ZNF516: variants seen among roughly 807,000 people sequenced by gnomAD.
ZNF516 encodes the protein zinc finger protein 516.
ZNF516 carries 19 observed loss-of-function variants against 79.7 expected under a neutral mutation model. The observed-to-expected ratio is 0.24, with a 90% CI of 0.17 to 0.35. The LOEUF (loss-of-function observed/expected upper bound fraction) is 0.35. ZNF516 is among the 10% of genes least tolerant of loss of function. ZNF516 has a pLI of 1.00. For missense variants in ZNF516, 1,678 were observed against 1,679.5 expected (o/e 1.00, Z 0.02); for synonymous variants, 877 against 739.5 (o/e 1.19, Z -3.02).
At chr18:76,492,634 A>T in intron 1 of ZNF516, 1 of 799,300 alleles carries the variant, frequency 1.3e-6, no homozygotes, top group Non-Finnish European at 1.5e-6. Flanking sequence ...TTCCATCATC[A>T]CCTGAACCAA....
At chr18:76,473,917 G>GGT (rs1376026558) in intron 1 of ZNF516, among the ~76,000 whole-genome samples, 1 of 107,658 alleles carries the variant, frequency 9.3e-6, no homozygotes, top group Non-Finnish European at 2.0e-5. Context: ...GGGGGGGGGG[G>GGT]CTTTCTTTTT....
intron 3 of ZNF516, among the ~76,000 whole-genome samples, chr18:76,436,935 TG>T (rs971435368): frequency 6.6e-6 from 1 of 152,060 alleles, no homozygotes; most frequent in African/African-American, 2.4e-5. Flanking sequence ...CCACGTGTGG[TG>T]ACCGCCTGTA....
At chr18:76,395,566 C>T (rs538422342) in intron 3 of ZNF516, among the ~76,000 whole-genome samples, 2 of 152,232 alleles carry the variant, frequency 1.3e-5, no homozygotes, top group East Asian at 1.9e-4. Context: ...GCCTCAGGGG[C>T]AGGTACGGAA....
intron 3 of ZNF516, among the ~76,000 whole-genome samples, chr18:76,434,635 G>A (rs533478958): frequency 1.3e-5 from 2 of 152,288 alleles, no homozygotes; most frequent in African/African-American, 4.8e-5. Flanking sequence ...GGGACATCCC[G>A]GCCTGCGTAC....
At chr18:76,496,193 G>T (rs574449273), upstream of ZNF516, 172 of 1,170,660 alleles carry the variant, frequency 1.5e-4, 1 homozygote, top group African/African-American at 2.2e-3. Context: ...GTCGGAGCTA[G>T]CGAGGGCGAG....
intron 1 of ZNF516, among the ~76,000 whole-genome samples, chr18:76,477,926 T>C (rs1367327536): frequency 6.6e-6 from 1 of 152,166 alleles, no homozygotes; most frequent in Non-Finnish European, 1.5e-5. Context: ...TGAACCAGTA[T>C]TGTTATCCAT....
At chr18:76,496,281 T>G, upstream of ZNF516, 1 of 1,288,684 alleles carries the variant, frequency 7.8e-7, no homozygotes, top group Non-Finnish European at 1.0e-6. Flanking sequence ...CCCACCAGGC[T>G]CCTGGCCGTA....
intron 1 of ZNF516, among the ~76,000 whole-genome samples, chr18:76,480,765 GC>G (rs1379012482): frequency 6.6e-6 from 1 of 152,044 alleles, no homozygotes; most frequent in Non-Finnish European, 1.5e-5. Flanking sequence ...CAAGTGATCC[GC>G]CCACCTCGGC....
intron 3 of ZNF516, among the ~76,000 whole-genome samples, chr18:76,441,015 G>T (rs1008759826): frequency 2.6e-5 from 4 of 152,200 alleles, no homozygotes; most frequent in African/African-American, 9.6e-5. Context: ...ACTGGGGACA[G>T]ATTCCTGGGT....
At chr18:76,410,731 G>T (rs1020931700) in intron 3 of ZNF516, among the ~76,000 whole-genome samples, 1 of 152,192 alleles carries the variant, frequency 6.6e-6, no homozygotes, top group African/African-American at 2.4e-5. Context: ...TCGGCTGGAG[G>T]AGAAAAAGAG....
chr18:76,448,874 G>A (rs916119992), intron 2 of ZNF516, among the ~76,000 whole-genome samples: 1 of 152,176 alleles, frequency 6.6e-6, no homozygotes, highest in Non-Finnish European at 1.5e-5. Flanking sequence ...CAGCGCACCA[G>A]TAAGACAAGG....
chr18:76,491,131 G>A (rs1391225900), intron 1 of ZNF516: 3 of 979,674 alleles, frequency 3.1e-6, no homozygotes, highest in Non-Finnish European at 2.4e-6. Flanking sequence ...CCAGAACAAA[G>A]TGAAGTTTAA....
At chr18:76,474,570 A>C (rs1952730413) in intron 1 of ZNF516, among the ~76,000 whole-genome samples, 1 of 152,250 alleles carries the variant, frequency 6.6e-6, no homozygotes, top group African/African-American at 2.4e-5. Flanking sequence ...AAGAAAGCTA[A>C]AATAAAATTC....
At chr18:76,491,403 CCCCCGCCCG>C (rs1341269884) in intron 1 of ZNF516, among the ~76,000 whole-genome samples, 20 of 141,448 alleles carry the variant, frequency 1.4e-4, no homozygotes, top group South Asian at 2.3e-4. Context: ...CCGCCGGCTC[CCCCCGCCCG>C]CCCCGCCCGC....
chr18:76,419,595 C>A (rs2075480374), intron 3 of ZNF516, among the ~76,000 whole-genome samples: 1 of 152,344 alleles, frequency 6.6e-6, no homozygotes, highest in East Asian at 1.9e-4. Context: ...TGGGAGGTAA[C>A]TGAATCATTC....
intron 3 of ZNF516, among the ~76,000 whole-genome samples, chr18:76,381,663 C>T (rs750732090): frequency 1.3e-5 from 2 of 152,188 alleles, no homozygotes; most frequent in Non-Finnish European, 2.9e-5. Flanking sequence ...GACACGGTAA[C>T]AAATGCTGGT....
intron 4 of ZNF516, among the ~76,000 whole-genome samples, chr18:76,375,481 T>C (rs1037358398): frequency 6.6e-6 from 1 of 150,518 alleles, no homozygotes; most frequent in Non-Finnish European, 1.5e-5. Context: ...AGGTAGAGGA[T>C]GGACAGGGAA....
chr18:76,471,076 A>G (rs1913807128), intron 1 of ZNF516, among the ~76,000 whole-genome samples: 1 of 152,142 alleles, frequency 6.6e-6, no homozygotes, highest in African/African-American at 2.4e-5. Context: ...TTTTACCTAC[A>G]TCAAAAATAT....
intron 5 of ZNF516, among the ~76,000 whole-genome samples, chr18:76,371,106 G>C (rs2074696300): frequency 6.6e-6 from 1 of 152,224 alleles, no homozygotes; most frequent in Non-Finnish European, 1.5e-5. Context: ...GTGCCAGTGA[G>C]GACACAAAAC....
Sources: gnomAD v4.1 joint callset for allele counts (sites outside exome capture counted in the v4.1 genomes callset) on GRCh38, gnomAD v4.1.1 for gene constraint, MANE v1.5 for transcripts, NCBI Gene and HGNC (gene_info 2026-07-23, HGNC 2026-07-21) for gene names.